Variants in PAFAH1B2 observed in about 807,000 individuals in gnomAD.
PAFAH1B2 encodes platelet-activating factor acetylhydrolase IB subunit alpha2.
Under a neutral mutation model 28.0 loss-of-function variants are expected in PAFAH1B2, and 8 were observed. That is an observed-to-expected ratio of 0.29 (90% CI 0.17 to 0.52). PAFAH1B2 has a LOEUF of 0.52. Ranked by LOEUF, PAFAH1B2 falls within the 20% of genes least tolerant of loss-of-function variation. The pLI is 0.97. For synonymous variants in PAFAH1B2, 104 were observed against 103.2 expected (o/e 1.01, Z -0.05); for missense variants, 190 against 282.6 (o/e 0.67, Z 2.35).
downstream of PAFAH1B2, among the ~76,000 whole-genome samples, chr11:117,171,299 T>A (rs1029911310): frequency 6.6e-6 from 1 of 152,108 alleles, no homozygotes; most frequent in African/African-American, 2.4e-5. Context: ...TCCATTAGAT[T>A]GGAATAGTTT....
chr11:117,162,605 TAA>T (rs1186205305), intron 4 of PAFAH1B2, among the ~76,000 whole-genome samples: 25 of 124,474 alleles, frequency 2.0e-4, no homozygotes, highest in Admixed American at 2.4e-4. Context: ...TCTCTAGATT[TAA>T]AAAAAAAAAA....
rs149188200 is a variant in PAFAH1B2, at chr11:117,144,559, G to T, written c.-8+141G>T. 5.3e-3 allele frequency: 936 copies of T among 175,772 alleles called. 19 individuals are homozygous for T. Among genetic ancestry groups the T allele is most frequent in the East Asian group, 0.035 (320 of 9,196 alleles). 10.9% of individuals were successfully genotyped at this position (175,772 alleles called of 1,614,324 possible). ...CCCCCCACGCCGCCCCATCCACTTG[G>T]GGGGGGCCTCGCGAGCGCGCGCCTT... On this transcript the variant is annotated intron_variant, in intron 1 of 5. Coordinates refer to ENST00000527958, the MANE Select transcript of PAFAH1B2 (RefSeq NM_002572.4).
intron 1 of PAFAH1B2, among the ~76,000 whole-genome samples, chr11:117,147,115 A>G (rs1956030533): frequency 6.6e-6 from 1 of 152,062 alleles, no homozygotes; most frequent in Non-Finnish European, 1.5e-5. Flanking sequence ...CTAAAAATAC[A>G]AAAATTAGCT....
Position 117,163,822 on chromosome 11 carries a change from T to C in PAFAH1B2, c.341T>C (p.Val114Ala), listed in dbSNP as rs1241110643. Reference protein sequence around the residue: ...TNNHENTAEEVAGGIEAIVQL... With the variant: ...TNNHENTAEEAAGGIEAIVQL... ...AACCACGAAAATACAGCAGAAGAAG[T>C]AGCAGGTGGGATCGAGGCCATTGTA... Residue 114 changes from valine to alanine, a missense_variant, in exon 5 of 6, where the codon GTA (valine) becomes GCA (alanine). Coordinates refer to ENST00000527958, the MANE Select transcript of PAFAH1B2 (RefSeq NM_002572.4). 1.9e-6 allele frequency: 3 copies of C among 1,613,878 alleles called. No individual in the cohort carries two copies. Among genetic ancestry groups the C allele is most frequent in the Non-Finnish European group, 2.5e-6 (3 of 1,179,912 alleles).
At chr11:117,175,269 T>C (rs1277913757), downstream of PAFAH1B2, 1 of 1,078,892 alleles carries the variant, frequency 9.3e-7, no homozygotes, top group Non-Finnish European at 1.1e-6. Flanking sequence ...CCCTGTGTGC[T>C]CACAAGTCTG....
At chr11:117,145,500 C>T (rs1955982060) in intron 1 of PAFAH1B2, among the ~76,000 whole-genome samples, 1 of 152,174 alleles carries the variant, frequency 6.6e-6, no homozygotes. Context: ...TTAAGATTGT[C>T]TTTGCCTTGG....
intron 2 of PAFAH1B2, among the ~76,000 whole-genome samples, chr11:117,154,478 C>T (rs764854173): frequency 3.9e-5 from 6 of 151,984 alleles, no homozygotes; most frequent in Non-Finnish European, 5.9e-5. Context: ...AGTGCAGTGG[C>T]ACCATTACAG....
intron 4 of PAFAH1B2, among the ~76,000 whole-genome samples, chr11:117,161,972 C>T (rs961404368): frequency 3.9e-5 from 6 of 152,036 alleles, no homozygotes; most frequent in African/African-American, 1.2e-4. Context: ...GGTCAGTAAT[C>T]GAGGCCTGCA....
chr11:117,174,164 T>TTGTGTG (rs55735449), downstream of PAFAH1B2, among the ~76,000 whole-genome samples: 14,079 of 138,740 alleles, frequency 0.1, 749 homozygotes, highest in Non-Finnish European at 0.12. Context: ...TTCATGTCTT[T>TTGTGTG]TGTGTGTGTG....
chr11:117,171,613 C>A (rs865792492), downstream of PAFAH1B2: 21 of 1,018,524 alleles, frequency 2.1e-5, no homozygotes, highest in Admixed American at 3.6e-4. Flanking sequence ...ATCACCCTTA[C>A]GTCCCCAGGG....
At chr11:117,149,008 C>T (rs2134167500) in intron 1 of PAFAH1B2, among the ~76,000 whole-genome samples, 1 of 149,348 alleles carries the variant, frequency 6.7e-6, no homozygotes, top group South Asian at 2.1e-4. Context: ...GCTGGGATTA[C>T]AGGCACGCAC....
intron 5 of PAFAH1B2, among the ~76,000 whole-genome samples, chr11:117,166,841 T>C (rs1413116573): frequency 6.6e-6 from 1 of 152,102 alleles, no homozygotes; most frequent in South Asian, 2.1e-4. Flanking sequence ...GTAGACAACG[T>C]TGGAGGTGGG....
rs562704770 is a variant in PAFAH1B2, at chr11:117,157,818, A to G, written c.82-2116A>G. Among the ~76,000 whole-genome samples the G allele has an allele frequency of 7.9e-5, 12 of 152,286 alleles. No individual in the cohort carries two copies. The East Asian group carries it at 2.3e-3, about 29-fold the overall frequency. ...CTACATTACAGACCTAGAGCACTGTATAAATTTGTTTAAGGGATGAATATA... is the reference window on the plus strand; with the variant it reads ...CTACATTACAGACCTAGAGCACTGTGTAAATTTGTTTAAGGGATGAATATA... On this transcript the variant is annotated intron_variant, in intron 2 of 5. Transcript: ENST00000527958.
chr11:117,167,191 G>C (rs1227169266), intron 5 of PAFAH1B2, among the ~76,000 whole-genome samples: 1 of 151,994 alleles, frequency 6.6e-6, no homozygotes, highest in East Asian at 1.9e-4. Context: ...GTGGGCCAGA[G>C]GACAGGTCCT....
chr11:117,174,164 T>TTTGTG (rs766588493), downstream of PAFAH1B2, among the ~76,000 whole-genome samples: 14 of 138,920 alleles, frequency 1.0e-4, no homozygotes, highest in African/African-American at 3.7e-4. Context: ...TTCATGTCTT[T>TTTGTG]TGTGTGTGTG....
chr11:117,163,487 C>T lies in PAFAH1B2; in HGVS notation c.289-283C>T, dbSNP rs563857425. Among the ~76,000 whole-genome samples the T allele has an allele frequency of 2.4e-3, 372 of 152,208 alleles. 2 individuals are homozygous for T. The highest frequency in any genetic ancestry group is 3.4e-3 in the Non-Finnish European group (228 of 68,002). Reference sequence around the variant, plus strand: ...AGGAGTTTGAGACCAGCCTGGGCAACGTGGTGAAACCCTGGTCTCTACTAA... The same window carrying T: ...AGGAGTTTGAGACCAGCCTGGGCAATGTGGTGAAACCCTGGTCTCTACTAA... On this transcript the variant is annotated intron_variant, in intron 4 of 5. Coordinates refer to ENST00000527958, the MANE Select transcript of PAFAH1B2 (RefSeq NM_002572.4).
chr11:117,156,507 A>G (rs1956257897), intron 2 of PAFAH1B2, among the ~76,000 whole-genome samples: 1 of 152,202 alleles, frequency 6.6e-6, no homozygotes, highest in South Asian at 2.1e-4. Context: ...ACTATGTAAA[A>G]GGGGTAACAG....
At chr11:117,173,094 ATTTGAGACGG>A (rs1212350949), downstream of PAFAH1B2, among the ~76,000 whole-genome samples, 1 of 152,202 alleles carries the variant, frequency 6.6e-6, no homozygotes, top group Non-Finnish European at 1.5e-5. Flanking sequence ...GGAGGCAGAG[ATTTGAGACGG>A]TCAAGTATTT....
At chr11:117,156,672 C>T (rs1956261654) in intron 2 of PAFAH1B2, among the ~76,000 whole-genome samples, 1 of 152,036 alleles carries the variant, frequency 6.6e-6, no homozygotes, top group Non-Finnish European at 1.5e-5. Flanking sequence ...GAACCTTTAG[C>T]ATAGCAGTCT....
Sources: allele counts gnomAD v4.1 joint callset (sites outside exome capture counted in the v4.1 genomes callset), GRCh38; gene constraint gnomAD v4.1.1; transcripts MANE v1.5; gene names NCBI Gene and HGNC (gene_info 2026-07-23, HGNC 2026-07-21).